Variants in PTPRD observed in about 807,000 individuals in gnomAD.
The protein encoded by PTPRD is protein tyrosine phosphatase receptor type D, also known as receptor-type tyrosine-protein phosphatase delta.
In PTPRD, 34 loss-of-function variants were observed where a neutral mutation model predicts 214.5. The observed-to-expected ratio is 0.16, with a 90% confidence interval of 0.12 to 0.21. The LOEUF (loss-of-function observed/expected upper bound fraction) is 0.21. Ranked by LOEUF, PTPRD falls within the 10% of genes least tolerant of loss-of-function variation. PTPRD has a pLI of 1.00. For missense variants in PTPRD, 2,545 were observed against 2,398.7 expected (o/e 1.06, Z -1.27); for synonymous variants, 1,128 against 845.7 (o/e 1.33, Z -5.79).
intron 2 of PTPRD, among the ~76,000 whole-genome samples, chr9:10,509,562 TA>T (rs1435323505): frequency 1.4e-4 from 5 of 35,254 alleles, no homozygotes; most frequent in African/African-American, 2.5e-4. Flanking sequence ...AAATATTATA[TA>T]TATATATATA....
At position 9,464,507 on chromosome 9, in the gene PTPRD, A is replaced by G. The variant is rs546915570; in HGVS notation, c.-236-67025T>C. On this transcript the variant is annotated intron_variant, in intron 8 of 45. Transcript: ENST00000381196. Reference sequence around the variant, plus strand: ...GACTATATATTGCTCTGTGTTTAAAATTAAGGCCTTTCTATGAGTCGCCTG... The same window carrying G: ...GACTATATATTGCTCTGTGTTTAAAGTTAAGGCCTTTCTATGAGTCGCCTG... Among the ~76,000 whole-genome samples the G allele has an allele frequency of 5.9e-5, 9 of 152,270 alleles. No individual in the cohort carries two copies. In the East Asian group the frequency reaches 1.2e-3, roughly 20 times the overall value.
intron 5 of PTPRD, among the ~76,000 whole-genome samples, chr9:9,767,058 C>G (rs2098712680): frequency 6.6e-6 from 1 of 151,410 alleles, no homozygotes; most frequent in African/African-American, 2.4e-5. Flanking sequence ...TGCAAATACT[C>G]TGTAATACTT....
intron 2 of PTPRD, among the ~76,000 whole-genome samples, chr9:10,483,592 C>T (rs1261207779): frequency 6.6e-6 from 1 of 151,762 alleles, no homozygotes; most frequent in Non-Finnish European, 1.5e-5. Flanking sequence ...TCAAATAACC[C>T]CATGAAAAAG....
intron 7 of PTPRD, among the ~76,000 whole-genome samples, chr9:9,635,647 A>G (rs2095742095): frequency 6.6e-6 from 1 of 152,100 alleles, no homozygotes; most frequent in Admixed American, 6.6e-5. Context: ...TTCTTTTCAG[A>G]TACTCTGTTA....
chr9:9,631,807 C>G (rs949213669), intron 7 of PTPRD, among the ~76,000 whole-genome samples: 3 of 152,140 alleles, frequency 2.0e-5, no homozygotes, highest in Non-Finnish European at 2.9e-5. Context: ...TCATTTACAC[C>G]ACAAGAACAA....
intron 11 of PTPRD, among the ~76,000 whole-genome samples, chr9:8,919,056 T>A (rs992196554): frequency 2.0e-5 from 3 of 152,156 alleles, no homozygotes; most frequent in Admixed American, 2.0e-4. Context: ...TACCACTTTA[T>A]TATGCTCTTC....
chr9:9,240,614 T>C (rs2099969879), intron 9 of PTPRD, among the ~76,000 whole-genome samples: 1 of 152,170 alleles, frequency 6.6e-6, no homozygotes, highest in Non-Finnish European at 1.5e-5. Flanking sequence ...AGAGAGACAC[T>C]AAAGCAATTA....
At position 9,840,380 on chromosome 9, in the gene PTPRD, CTTTG is replaced by C. The variant is rs577766993; in HGVS notation, c.-367-73533_-367-73530del. On this transcript the variant is annotated intron_variant, in intron 5 of 45. Coordinates refer to ENST00000381196, the MANE Select transcript of PTPRD (RefSeq NM_002839.4). ...AATTTAATCAGATTTGAAAAATAGACTTTGTTTTTTTCCAGTTGTTGAAACATTA... is the reference window on the plus strand; with the variant it reads ...AATTTAATCAGATTTGAAAAATAGACTTTTTTTCCAGTTGTTGAAACATTA... Among the ~76,000 whole-genome samples, 654 of 152,132 alleles carry C rather than the reference CTTTG, an allele frequency of 4.3e-3. 5 individuals are homozygous for C. Among genetic ancestry groups the C allele is most frequent in the Admixed American group, 0.011 (169 of 15,266 alleles).
intron 3 of PTPRD, among the ~76,000 whole-genome samples, chr9:10,224,623 T>G (rs1327280226): frequency 3.9e-5 from 6 of 152,038 alleles, no homozygotes; most frequent in Non-Finnish European, 1.5e-5. Flanking sequence ...AGTATAATAT[T>G]GATAGTTTCT....
chr9:9,433,245 T>A (rs759231186), intron 8 of PTPRD, among the ~76,000 whole-genome samples: 2 of 152,192 alleles, frequency 1.3e-5, no homozygotes, highest in African/African-American at 4.8e-5. Context: ...TAAAAGAAGT[T>A]TGTATGTCAT....
chr9:10,451,641 T>C (rs994963647), intron 2 of PTPRD, among the ~76,000 whole-genome samples: 1 of 151,566 alleles, frequency 6.6e-6, no homozygotes, highest in East Asian at 1.9e-4. Flanking sequence ...GTGACATCAG[T>C]GTGTGGCACA....
intron 5 of PTPRD, among the ~76,000 whole-genome samples, chr9:9,814,577 CA>C: frequency 6.6e-6 from 1 of 151,990 alleles, no homozygotes; most frequent in South Asian, 2.1e-4. Flanking sequence ...TAAATTTAAC[CA>C]AGGAGGTAGA....
intron 3 of PTPRD, among the ~76,000 whole-genome samples, chr9:10,315,413 C>T (rs767619336): frequency 2.0e-5 from 3 of 151,746 alleles, no homozygotes; most frequent in Non-Finnish European, 2.9e-5. Context: ...AGTATACTTA[C>T]CTCTTCTGAA....
At chr9:8,632,262 C>T (rs2096277731) in intron 14 of PTPRD, among the ~76,000 whole-genome samples, 1 of 151,568 alleles carries the variant, frequency 6.6e-6, no homozygotes, top group South Asian at 2.1e-4. Flanking sequence ...GGCTTACCTC[C>T]TTGAAAGAAA....
At chr9:8,642,447 G>C (rs1371902212) in intron 12 of PTPRD, among the ~76,000 whole-genome samples, 1 of 152,188 alleles carries the variant, frequency 6.6e-6, no homozygotes, top group Non-Finnish European at 1.5e-5. Flanking sequence ...AAATGAGACA[G>C]GGAGAGAATG....
chr9:8,367,578 A>G (rs1251087758), intron 39 of PTPRD, among the ~76,000 whole-genome samples: 2 of 152,202 alleles, frequency 1.3e-5, no homozygotes, highest in Non-Finnish European at 2.9e-5. Flanking sequence ...TTTTAGTGCA[A>G]TGATATAATT....
rs1447545629 is a variant in PTPRD, at chr9:10,003,665, C to A, written c.-472+30053G>T. ...TTAATATTGGGTTAATATTAATAAC[C>A]CAATAAGGCTGATAAAACATATGAC... On this transcript the variant is annotated intron_variant, in intron 4 of 45. Transcript: ENST00000381196. Among the ~76,000 whole-genome samples the A allele has an allele frequency of 2.6e-5, 4 of 151,046 alleles. No homozygotes were observed. In the South Asian group the frequency reaches 6.3e-4, roughly 24 times the overall value.
chr9:10,159,557 C>A lies in PTPRD; in HGVS notation c.-544-125767G>T, dbSNP rs145369212. ...TTCACAAGACAGTAATATATGAACT[C>A]CTTGATAAATAATTTAAAATATCAA... On this transcript the variant is annotated intron_variant, in intron 3 of 45. Coordinates refer to ENST00000381196, the MANE Select transcript of PTPRD (RefSeq NM_002839.4). Among the ~76,000 whole-genome samples, 236 of 152,008 alleles carry A rather than the reference C, an allele frequency of 1.6e-3. 2 individuals carry two copies. The highest frequency in any genetic ancestry group is 5.8e-3 in the South Asian group (28 of 4,808).
At position 10,206,025 on chromosome 9, in the gene PTPRD, C is replaced by G. The variant is rs144308950; in HGVS notation, c.-545+134938G>C. ...TGTAAATCAACAATTCCAATAATAGCTTTATGTAAAAAAAAAAAAAAGTAT... is the reference window on the plus strand; with the variant it reads ...TGTAAATCAACAATTCCAATAATAGGTTTATGTAAAAAAAAAAAAAAGTAT... On this transcript the variant is annotated intron_variant, in intron 3 of 45. Transcript: ENST00000381196. 1.1e-3 allele frequency among the ~76,000 whole-genome samples: 154 copies of G among 142,962 alleles called. 1 individual carries two copies. Among genetic ancestry groups the G allele is most frequent in the African/African-American group, 4.0e-3 (152 of 38,354 alleles). The allele number at this position is 142,962 out of a possible 152,430, so 93.8% of individuals were successfully genotyped here.
Sources: gnomAD v4.1 joint callset for allele counts (sites outside exome capture counted in the v4.1 genomes callset) on GRCh38, gnomAD v4.1.1 for gene constraint, MANE v1.5 for transcripts, NCBI Gene and HGNC (gene_info 2026-07-23, HGNC 2026-07-21) for gene names.